The following PDIA3 variants were observed in gnomAD, a reference collection of about 807,000 sequenced individuals.
PDIA3 encodes the protein protein disulfide-isomerase A3.
In PDIA3, 16 loss-of-function variants were observed where a neutral mutation model predicts 56.9. That is an observed-to-expected ratio of 0.28 (90% CI 0.19 to 0.43). PDIA3 has a LOEUF of 0.43. Among genes scored for constraint, PDIA3 ranks in the 20% least tolerant of loss-of-function variants. The pLI is 1.00. For missense variants in PDIA3, 485 were observed against 621.3 expected (o/e 0.78, Z 2.33); for synonymous variants, 192 against 216.5 (o/e 0.89, Z 0.99).
chr15:43,769,771 G>T, intron 10 of PDIA3, 125 bp downstream of exon 10: 1 of 1,037,798 alleles, frequency 9.6e-7, no homozygotes, highest in Non-Finnish European at 1.4e-6. Flanking sequence ...ATTACTTGCT[G>T]TTTACTCACT....
chr15:43,771,372 G>C lies in PDIA3; in HGVS notation c.*154G>C, dbSNP rs1252843450. The C allele has an allele frequency of 1.9e-6, 1 of 516,068 alleles. No individual in the cohort carries two copies. The highest frequency in any genetic ancestry group is 3.5e-5 in the Admixed American group (1 of 28,506). 32.0% of individuals were successfully genotyped at this position (516,068 alleles called of 1,614,324 possible). A position where few individuals can be genotyped will look rare whatever the true frequency, so the allele number is the denominator to read the frequency against. ...AATCCTGTTAAATTTTCTCTAAACT[G>C]TTTCTTAGCTGCACTGTTTATGGAA... On this transcript the variant is annotated 3_prime_UTR_variant, in exon 13 of 13. Transcript: ENST00000300289.
intron 10 of PDIA3, 25 bp from the exon 11 acceptor site, chr15:43,770,225 A>G: frequency 6.3e-7 from 1 of 1,581,712 alleles, no homozygotes. Context: ...TTGAAATGTA[A>G]ACATTTAACC....
At chr15:43,750,190 TTTTTA>T in intron 1 of PDIA3, among the ~76,000 whole-genome samples, 1 of 140,002 alleles carries the variant, frequency 7.1e-6, no homozygotes, top group Non-Finnish European at 1.5e-5. Flanking sequence ...TTTTTTTTTT[TTTTTA>T]AGTAGAGACC....
At chr15:43,762,484 C>G (rs933788113) in intron 4 of PDIA3, among the ~76,000 whole-genome samples, 2 of 147,908 alleles carry the variant, frequency 1.4e-5, no homozygotes, top group African/African-American at 5.0e-5. Flanking sequence ...GTACTCCAGC[C>G]TGGGCAACAA....
At chr15:43,758,028 C>T (rs1472018429) in intron 3 of PDIA3, among the ~76,000 whole-genome samples, 1 of 151,406 alleles carries the variant, frequency 6.6e-6, no homozygotes. Flanking sequence ...CACCTGAGGT[C>T]GGGAGTTCGA....
intron 2 of PDIA3, among the ~76,000 whole-genome samples, chr15:43,755,438 TG>T (rs1361435064): frequency 1.3e-5 from 2 of 152,202 alleles, no homozygotes; most frequent in Non-Finnish European, 2.9e-5. Context: ...TGTAACCAAA[TG>T]GTCAACTGTA....
chr15:43,763,210 A>G lies in PDIA3; in HGVS notation c.602+4A>G. 6.2e-7 allele frequency: 1 copy of G among 1,613,140 alleles called. No individual in the cohort carries two copies. The highest frequency in any genetic ancestry group is 8.5e-7 in the Non-Finnish European group (1 of 1,179,242). On this transcript the variant is annotated splice_donor_region_variant and intron_variant, in intron 5 of 12. Coordinates refer to ENST00000300289, the MANE Select transcript of PDIA3 (RefSeq NM_005313.5). ...ACGAGTATGATGATAATGGAGAGTA[A>G]GTGACTGAGTTGAATCTCCTGACCA...
At chr15:43,765,039 T>C (rs940758495) in intron 5 of PDIA3, among the ~76,000 whole-genome samples, 6 of 152,180 alleles carry the variant, frequency 3.9e-5, no homozygotes, top group Admixed American at 2.6e-4. Flanking sequence ...AGAGTCCTTA[T>C]GTGCTTAGAT....
intron 1 of PDIA3, 84 bp downstream of exon 1, chr15:43,746,790 C>A: frequency 2.1e-6 from 3 of 1,435,358 alleles, no homozygotes; most frequent in South Asian, 2.3e-5. Context: ...GCCTACGCAG[C>A]GCCGGGGCCC....
chr15:43,760,771 T>G (rs892069319), intron 3 of PDIA3, among the ~76,000 whole-genome samples: 2 of 151,308 alleles, frequency 1.3e-5, no homozygotes, highest in Non-Finnish European at 2.9e-5. Context: ...GACCTCGTGA[T>G]CTGCCCGCCT....
At chr15:43,769,709 T>A in intron 10 of PDIA3, 63 bp downstream of exon 10, 1 of 1,552,402 alleles carries the variant, frequency 6.4e-7, no homozygotes, top group Non-Finnish European at 8.8e-7. Flanking sequence ...ATGTATGTAT[T>A]CAGCATTGGC....
chr15:43,755,415 A>G (rs1029598936), intron 2 of PDIA3, among the ~76,000 whole-genome samples: 1 of 152,208 alleles, frequency 6.6e-6, no homozygotes, highest in Non-Finnish European at 1.5e-5. Context: ...TGATATGAGG[A>G]TATTGATGAA....
chr15:43,770,651 T>C, intron 12 of PDIA3, 71 bp downstream of exon 12: 1 of 988,372 alleles, frequency 1.0e-6, no homozygotes, highest in South Asian at 1.4e-5. Context: ...ACATAGTTCT[T>C]TAATTGGGTT....
At chr15:43,757,506 C>T (rs1171599244) in intron 3 of PDIA3, among the ~76,000 whole-genome samples, 11 of 149,296 alleles carry the variant, frequency 7.4e-5, no homozygotes, top group African/African-American at 1.5e-4. Context: ...TGCAGTGAGC[C>T]GAGATCGCGC....
chr15:43,748,982 G>A (rs145240348), intron 1 of PDIA3, among the ~76,000 whole-genome samples: 118 of 152,086 alleles, frequency 7.8e-4, no homozygotes, highest in African/African-American at 2.7e-3. Context: ...TGTTGGCCAG[G>A]CTGGTCTCGA....
intron 5 of PDIA3, 117 bp downstream of exon 5, chr15:43,763,323 G>A: frequency 9.0e-7 from 1 of 1,110,194 alleles, no homozygotes; most frequent in Non-Finnish European, 1.3e-6. Context: ...TGCAATCTCT[G>A]CTCACTGCAG....
chr15:43,749,087 TTTTGTTTTG>T (rs2086726990), intron 1 of PDIA3, among the ~76,000 whole-genome samples: 1 of 148,748 alleles, frequency 6.7e-6, no homozygotes, highest in African/African-American at 2.6e-5. Flanking sequence ...TTTGTTTTTG[TTTTGTTTTG>T]TTTTGTTTTG....
At chr15:43,749,563 G>C (rs7183381) in intron 1 of PDIA3, among the ~76,000 whole-genome samples, 1 of 152,250 alleles carries the variant, frequency 6.6e-6, no homozygotes, top group South Asian at 2.1e-4. Flanking sequence ...GGAGGCCAAG[G>C]CAGGCAGATC....
chr15:43,747,133 T>A (rs2141639963), intron 1 of PDIA3: 1 of 165,272 alleles, frequency 6.1e-6, no homozygotes, highest in East Asian at 1.8e-4. Flanking sequence ...CTAGGGTATT[T>A]CCTTTCATCT....
Sources: gnomAD v4.1 joint callset for allele counts (sites outside exome capture counted in the v4.1 genomes callset) on GRCh38, gnomAD v4.1.1 for gene constraint, MANE v1.5 for transcripts, NCBI Gene and HGNC (gene_info 2026-07-23, HGNC 2026-07-21) for gene names.